The following ENAH variants were observed in gnomAD, a reference collection of about 807,000 sequenced individuals.
ENAH encodes ENAH actin regulator, also known as protein enabled homolog.
Under a neutral mutation model 78.7 loss-of-function variants are expected in ENAH, and 23 were observed. The observed-to-expected ratio is 0.29, with a 90% CI of 0.21 to 0.41. The LOEUF is 0.41. Among genes scored for constraint, ENAH ranks in the 10% least tolerant of loss-of-function variants. The probability of loss-of-function intolerance (pLI) is 1.00; values close to 1 mark genes in which losing one functional copy is unlikely to be tolerated. For synonymous variants in ENAH, 226 were observed against 241.0 expected, an observed-to-expected ratio of 0.94 and a Z score of 0.58; for missense variants, 544 against 691.0, an observed-to-expected ratio of 0.79 and a Z score of 2.39.
intron 1 of ENAH, among the ~76,000 whole-genome samples, chr1:225,586,109 G>T (rs2096844853): frequency 6.6e-6 from 1 of 151,972 alleles, no homozygotes; most frequent in African/African-American, 2.4e-5. Context: ...CCAGCTACTT[G>T]GGAAGATGAG....
chr1:225,519,623 G>C, intron 4 of ENAH, 58 bp from the exon 5 acceptor site: 3 of 1,551,638 alleles, frequency 1.9e-6, no homozygotes, highest in Non-Finnish European at 2.6e-6. Flanking sequence ...TCATGAAAAA[G>C]CGATTCTTTT....
rs1416304437 is a variant in ENAH at position 225,493,648 on chromosome 1, T to A, written c.*4127A>T. The stretch of plus-strand genomic sequence containing the variant: ...GAGTTTGGAAGTGAATGAGAGTAAA[T>A]GTCTTCAGGAAAGTGAATTTTATGA... On this transcript the variant is annotated 3_prime_UTR_variant, in exon 14 of 14. Coordinates refer to ENST00000366843, the MANE Select transcript of ENAH (RefSeq NM_018212.6). 1 of 152,196 alleles carries A rather than the reference T, an allele frequency of 6.6e-6. No individual in the cohort carries two copies. 9.4% of individuals were successfully genotyped at this position (152,196 alleles called of 1,614,324 possible).
intron 3 of ENAH, among the ~76,000 whole-genome samples, chr1:225,537,851 C>T (rs1451823105): frequency 6.6e-5 from 10 of 151,794 alleles, no homozygotes; most frequent in Admixed American, 2.0e-4. Context: ...AATGTAGAAA[C>T]GCTGGGTAAG....
At chr1:225,623,816 C>A (rs376659948) in intron 1 of ENAH, among the ~76,000 whole-genome samples, 3 of 152,122 alleles carry the variant, frequency 2.0e-5, no homozygotes, top group South Asian at 2.1e-4. Flanking sequence ...GTCTCGCTCT[C>A]CTGACCTTGT....
intron 1 of ENAH, among the ~76,000 whole-genome samples, chr1:225,584,883 A>G (rs564683801): frequency 6.6e-6 from 1 of 152,290 alleles, no homozygotes; most frequent in East Asian, 1.9e-4. Context: ...AGAAACAAGT[A>G]ACAATCCTGA....
intron 1 of ENAH, among the ~76,000 whole-genome samples, chr1:225,588,895 A>G (rs1290316081): frequency 6.6e-6 from 1 of 151,752 alleles, no homozygotes; most frequent in Non-Finnish European, 1.5e-5. Flanking sequence ...TTTCAATGTT[A>G]GGTATTGCTC....
chr1:225,515,564 T>C (rs1291506664), intron 6 of ENAH, among the ~76,000 whole-genome samples: 2 of 152,194 alleles, frequency 1.3e-5, no homozygotes, highest in African/African-American at 4.8e-5. Flanking sequence ...GTTGTTTTTA[T>C]CCCACAAAAT....
At chr1:225,523,238 T>A (rs2096483118) in intron 4 of ENAH, among the ~76,000 whole-genome samples, 1 of 151,904 alleles carries the variant, frequency 6.6e-6, no homozygotes, top group South Asian at 2.1e-4. Flanking sequence ...GGTTTTTTTT[T>A]AACCACCAAG....
intron 1 of ENAH, among the ~76,000 whole-genome samples, chr1:225,571,904 G>A (rs963175664): frequency 3.9e-5 from 6 of 152,038 alleles, no homozygotes; most frequent in African/African-American, 1.5e-4. Context: ...TCTTCCATTT[G>A]GCTATTCCTA....
At chr1:225,597,252 G>C (rs945003279) in intron 1 of ENAH, among the ~76,000 whole-genome samples, 1 of 152,030 alleles carries the variant, frequency 6.6e-6, no homozygotes, top group Non-Finnish European at 1.5e-5. Flanking sequence ...GTAGTGCCTT[G>C]GAACAAGGTC....
chr1:225,502,602 G>A (rs2096289635), intron 11 of ENAH, among the ~76,000 whole-genome samples: 1 of 152,190 alleles, frequency 6.6e-6, no homozygotes, highest in Non-Finnish European at 1.5e-5. Flanking sequence ...CTGCTTATAT[G>A]AATAGGGGGA....
intron 1 of ENAH, 24 bp downstream of exon 1, chr1:225,652,662 G>GCCCCCGC (rs1210648338): frequency 7.1e-6 from 9 of 1,274,290 alleles, no homozygotes; most frequent in African/African-American, 3.1e-5. Flanking sequence ...GGCCCGCCCG[G>GCCCCCGC]CCCCCGCCCC....
At chr1:225,585,454 T>G (rs2096841445) in intron 1 of ENAH, among the ~76,000 whole-genome samples, 1 of 152,080 alleles carries the variant, frequency 6.6e-6, no homozygotes, top group African/African-American at 2.4e-5. Flanking sequence ...AGTACATCTA[T>G]AATCACCAAG....
intron 4 of ENAH, among the ~76,000 whole-genome samples, chr1:225,521,850 C>A (rs1440361180): frequency 6.6e-6 from 1 of 151,940 alleles, no homozygotes; most frequent in Admixed American, 6.6e-5. Context: ...GGCTGGAGTA[C>A]AGCCATGCAA....
intron 2 of ENAH, among the ~76,000 whole-genome samples, chr1:225,564,113 GTTTT>G (rs548894704): frequency 1.3e-5 from 2 of 151,392 alleles, no homozygotes; most frequent in African/African-American, 4.9e-5. Flanking sequence ...GATTCTGCAA[GTTTT>G]TTTTGTTTGT....
At chr1:225,509,665 A>C (rs1175625522) in intron 10 of ENAH, among the ~76,000 whole-genome samples, 7 of 152,118 alleles carry the variant, frequency 4.6e-5, no homozygotes, top group Admixed American at 4.6e-4. Flanking sequence ...CAGTGGATTA[A>C]ATGTCCACTG....
rs1239951242 is a variant in ENAH, at chr1:225,494,548, T to C, written c.*3227A>G. 6.6e-6 allele frequency: 1 copy of C among 152,176 alleles called. No homozygotes were observed. The highest frequency in any genetic ancestry group is 1.5e-5 in the Non-Finnish European group (1 of 68,012). 9.4% of individuals were successfully genotyped at this position (152,176 alleles called of 1,614,324 possible). ...CATCTTGACTATAAGAGGAAGTTAC[T>C]GTGTCAAGGTGGGCAGAGAGAAAAT... is the stretch of plus-strand genomic sequence containing the variant. On this transcript the variant is annotated 3_prime_UTR_variant, in exon 14 of 14. Transcript: ENST00000366843.
Position 225,611,124 on chromosome 1 carries a change from T to G in ENAH, c.5+41562A>C, listed in dbSNP as rs186014917. On this transcript the variant is annotated intron_variant, in intron 1 of 13. Coordinates refer to ENST00000366843, the MANE Select transcript of ENAH (RefSeq NM_018212.6). ...GCATAAAGTGATGGTTACACATGTG[T>G]ACTGAGTTGGTGCTATGTGCCCTTT... Among the ~76,000 whole-genome samples the G allele has an allele frequency of 4.1e-3, 625 of 152,256 alleles. 5 individuals carry two copies. The highest frequency in any genetic ancestry group is 5.9e-3 in the Admixed American group (90 of 15,288).
chr1:225,570,995 T>C (rs373749086), intron 1 of ENAH, among the ~76,000 whole-genome samples: 1 of 152,070 alleles, frequency 6.6e-6, no homozygotes, highest in Admixed American at 6.5e-5. Flanking sequence ...ACACATAACA[T>C]AACAAAACGT....
Sources: gnomAD v4.1 joint callset for allele counts (sites outside exome capture counted in the v4.1 genomes callset) on GRCh38, gnomAD v4.1.1 for gene constraint, MANE v1.5 for transcripts, NCBI Gene and HGNC (gene_info 2026-07-23, HGNC 2026-07-21) for gene names.